Variants in GPC6 observed in about 807,000 individuals in gnomAD.
The protein encoded by GPC6 is glypican-6.
GPC6 carries 14 observed loss-of-function variants against 55.2 expected under a neutral mutation model. The ratio of observed to expected loss-of-function variants is 0.25; its 90% CI spans 0.17 to 0.40. The LOEUF (loss-of-function observed/expected upper bound fraction) is 0.40, where lower values mean the gene tolerates loss of function less well. GPC6 is among the 10% of genes least tolerant of loss of function. GPC6 has a pLI of 1.00. For synonymous variants in GPC6, 278 were observed against 259.6 expected, an observed-to-expected ratio of 1.07 and a Z score of -0.68; for missense variants, 641 against 708.5, an observed-to-expected ratio of 0.90 and a Z score of 1.08.
intron 4 of GPC6, among the ~76,000 whole-genome samples, chr13:94,112,342 C>T (rs1391505305): frequency 6.6e-6 from 1 of 152,180 alleles, no homozygotes; most frequent in Admixed American, 6.5e-5. Context: ...TCTTAACAAT[C>T]TACCGCCTTC....
intron 1 of GPC6, among the ~76,000 whole-genome samples, chr13:93,315,760 T>A: frequency 3.6e-5 from 1 of 27,510 alleles, no homozygotes; most frequent in East Asian, 3.4e-3. Context: ...TTTTCTTCAA[T>A]TTTTTTTTAA....
intron 2 of GPC6, among the ~76,000 whole-genome samples, chr13:93,738,582 T>C (rs1270118354): frequency 6.6e-6 from 1 of 152,202 alleles, no homozygotes; most frequent in Non-Finnish European, 1.5e-5. Flanking sequence ...ATTCTGCATT[T>C]AATCCTCATG....
intron 2 of GPC6, among the ~76,000 whole-genome samples, chr13:93,742,856 T>C (rs1041911726): frequency 2.0e-5 from 3 of 151,956 alleles, no homozygotes; most frequent in African/African-American, 7.2e-5. Context: ...AAAATATGGG[T>C]TTCCAACATT....
intron 4 of GPC6, among the ~76,000 whole-genome samples, chr13:94,164,162 C>T (rs1427954096): frequency 6.6e-6 from 1 of 152,162 alleles, no homozygotes; most frequent in African/African-American, 2.4e-5. Context: ...AGCTTGACAA[C>T]TTTGAATACT....
intron 6 of GPC6, among the ~76,000 whole-genome samples, chr13:94,308,516 G>A (rs774449831): frequency 7.9e-5 from 12 of 152,074 alleles, no homozygotes; most frequent in Admixed American, 2.6e-4. Flanking sequence ...ATGGTTAAAC[G>A]TATCATCACA....
chr13:93,628,204 G>C (rs891598805), intron 2 of GPC6, among the ~76,000 whole-genome samples: 3 of 152,222 alleles, frequency 2.0e-5, no homozygotes, highest in Non-Finnish European at 4.4e-5. Context: ...TTAGTTGTCT[G>C]TTCCTCAGAG....
intron 5 of GPC6, among the ~76,000 whole-genome samples, chr13:94,288,566 C>A (rs1874669654): frequency 8.3e-6 from 1 of 120,022 alleles, no homozygotes; most frequent in Non-Finnish European, 1.7e-5. Flanking sequence ...CTTTTGTTTA[C>A]TTGTTCAGCA....
chr13:93,656,015 A>G (rs1376122477), intron 2 of GPC6, among the ~76,000 whole-genome samples: 5 of 152,196 alleles, frequency 3.3e-5, no homozygotes, highest in Non-Finnish European at 5.9e-5. Context: ...TGTACTAGGG[A>G]GATGAACAGC....
At chr13:93,313,278 A>G (rs933073871) in intron 1 of GPC6, among the ~76,000 whole-genome samples, 1 of 116,178 alleles carries the variant, frequency 8.6e-6, no homozygotes, top group Non-Finnish European at 1.7e-5. Flanking sequence ...TTGAAACTGT[A>G]GAAATGAGGT....
At chr13:93,394,634 G>C (rs936093879) in intron 1 of GPC6, among the ~76,000 whole-genome samples, 6 of 152,102 alleles carry the variant, frequency 3.9e-5, no homozygotes, top group Non-Finnish European at 7.4e-5. Flanking sequence ...CCATTTTACA[G>C]ATACAGGATA....
At chr13:94,218,829 C>T (rs996361135) in intron 4 of GPC6, among the ~76,000 whole-genome samples, 11 of 152,194 alleles carry the variant, frequency 7.2e-5, no homozygotes, top group Non-Finnish European at 1.6e-4. Flanking sequence ...CCATGGCATT[C>T]TCAACCTATT....
intron 2 of GPC6, among the ~76,000 whole-genome samples, chr13:93,739,676 G>A (rs1180125953): frequency 2.6e-5 from 4 of 151,988 alleles, no homozygotes; most frequent in Non-Finnish European, 4.4e-5. Context: ...TGATCCACCC[G>A]CCTCCACGTC....
chr13:93,401,946 T>C (rs1483633668), intron 1 of GPC6, among the ~76,000 whole-genome samples: 1 of 152,108 alleles, frequency 6.6e-6, no homozygotes, highest in African/African-American at 2.4e-5. Flanking sequence ...GAGTGTCTGA[T>C]GTTTTACATA....
At chr13:93,842,463 C>CT (rs889049692) in intron 3 of GPC6, among the ~76,000 whole-genome samples, 8 of 152,038 alleles carry the variant, frequency 5.3e-5, no homozygotes, top group African/African-American at 1.9e-4. Context: ...GATTGAAAGT[C>CT]TTTTTTATTT....
chr13:93,587,856 C>T (rs558291689), intron 2 of GPC6, among the ~76,000 whole-genome samples: 2 of 152,250 alleles, frequency 1.3e-5, no homozygotes, highest in South Asian at 4.1e-4. Context: ...ACACATAATG[C>T]GTTTCGAAAT....
At chr13:93,710,449 G>A (rs1883014212) in intron 2 of GPC6, among the ~76,000 whole-genome samples, 1 of 151,714 alleles carries the variant, frequency 6.6e-6, no homozygotes, top group South Asian at 2.1e-4. Flanking sequence ...ATCTTGTGTA[G>A]TGAATCAGGC....
chr13:93,421,958 A>C (rs538802912), intron 1 of GPC6, among the ~76,000 whole-genome samples: 1 of 152,280 alleles, frequency 6.6e-6, no homozygotes, highest in Non-Finnish European at 1.5e-5. Context: ...GTGCAATTAC[A>C]TTATAGTTGC....
intron 1 of GPC6, among the ~76,000 whole-genome samples, chr13:93,357,339 T>A (rs954125387): frequency 2.6e-5 from 4 of 152,232 alleles, no homozygotes; most frequent in African/African-American, 9.6e-5. Flanking sequence ...GGTTTTATAT[T>A]TTTCCCCTTT....
chr13:94,262,768 G>T (rs1891693441), intron 4 of GPC6, among the ~76,000 whole-genome samples: 1 of 151,642 alleles, frequency 6.6e-6, no homozygotes, highest in African/African-American at 2.4e-5. Flanking sequence ...TGAGCTAACA[G>T]ATGTGATCTA....
Sources: gnomAD v4.1 joint callset for allele counts (sites outside exome capture counted in the v4.1 genomes callset) on GRCh38, gnomAD v4.1.1 for gene constraint, MANE v1.5 for transcripts, NCBI Gene and HGNC (gene_info 2026-07-23, HGNC 2026-07-21) for gene names.